RNF111: variants seen among roughly 807,000 people sequenced by gnomAD.
The protein encoded by RNF111 is ring finger protein 111.
A neutral mutation model predicts 95.1 loss-of-function variants in RNF111; 17 were observed. The ratio of observed to expected loss-of-function variants is 0.18; its 90% confidence interval spans 0.12 to 0.27. The LOEUF is 0.27. Ranked by LOEUF, RNF111 falls within the 10% of genes least tolerant of loss-of-function variation. RNF111 has a pLI of 1.00. For synonymous variants in RNF111, 440 were observed against 414.8 expected (o/e 1.06, Z -0.74); for missense variants, 1,189 against 1,210.4 (o/e 0.98, Z 0.26).
intron 1 of RNF111, among the ~76,000 whole-genome samples, chr15:59,014,950 C>G (rs2039998403): frequency 1.3e-5 from 2 of 152,104 alleles, no homozygotes; most frequent in Non-Finnish European, 2.9e-5. Context: ...CAGAGTTTCA[C>G]CATGTTGTCC....
rs151246610 is a variant in RNF111 at position 59,058,524 on chromosome 15, A to G, written c.1340A>G (p.Asn447Ser). 798 of 1,613,992 alleles carry G rather than the reference A, an allele frequency of 4.9e-4. 5 individuals carry two copies. In the South Asian group the frequency reaches 5.4e-3, roughly 11 times the overall value. Residue 447 changes from asparagine (N) to serine (S), a missense_variant, in exon 5 of 14, where the codon AAT becomes AGT. Physicochemically the swap from Asn to Ser is conservative, Grantham distance 46. Coordinates refer to ENST00000348370, the MANE Select transcript of RNF111 (RefSeq NM_017610.8). The part of the protein sequence containing the change: ...VSETSATLTS[N>S]STTGTSIGDD... Reference sequence around the variant, plus strand: ...GAGACTTCAGCTACTCTTACAAGCAATAGTACCACTGGCACTTCTATAGGA... The same window carrying G: ...GAGACTTCAGCTACTCTTACAAGCAGTAGTACCACTGGCACTTCTATAGGA...
At chr15:59,001,731 A>G (rs1386646246) in intron 1 of RNF111, among the ~76,000 whole-genome samples, 1 of 152,228 alleles carries the variant, frequency 6.6e-6, no homozygotes, top group African/African-American at 2.4e-5. Flanking sequence ...GAACACCTAC[A>G]AAACATACAT....
rs192937104 is a variant in RNF111, at chr15:59,008,984, G to A, written c.-20+20916G>A. 7.5e-4 allele frequency among the ~76,000 whole-genome samples: 114 copies of A among 151,998 alleles called. 1 individual carries two copies. The highest frequency in any genetic ancestry group is 2.6e-3 in the African/African-American group (108 of 41,438). On this transcript the variant is annotated intron_variant, in intron 1 of 13. Coordinates refer to ENST00000348370, the MANE Select transcript of RNF111 (RefSeq NM_017610.8). ...TATTTTATTTTATTTTTTTGAGACA[G>A]AGTCCCATTCTGTCACCCAGGCTGG...
chr15:59,064,478 G>GTT (rs1409198976), intron 5 of RNF111, among the ~76,000 whole-genome samples: 1 of 139,710 alleles, frequency 7.2e-6, no homozygotes, highest in Admixed American at 7.6e-5. Context: ...AGAGCTTGCA[G>GTT]TAAGTGGAGA....
chr15:59,005,346 C>T (rs1199741409), intron 1 of RNF111, among the ~76,000 whole-genome samples: 2 of 152,112 alleles, frequency 1.3e-5, no homozygotes, highest in Non-Finnish European at 2.9e-5. Context: ...CATTACTATT[C>T]TCCAGATTAC....
intron 1 of RNF111, among the ~76,000 whole-genome samples, chr15:58,998,949 G>A (rs1413631902): frequency 1.3e-5 from 2 of 152,170 alleles, no homozygotes; most frequent in African/African-American, 4.8e-5. Flanking sequence ...TATGTAAAGT[G>A]CAGTATCGAG....
intron 8 of RNF111, among the ~76,000 whole-genome samples, chr15:59,083,309 AG>A (rs1189214792): frequency 2.6e-5 from 4 of 152,138 alleles, no homozygotes; most frequent in Non-Finnish European, 5.9e-5. Flanking sequence ...GCACTTTGGG[AG>A]GCCAAGGTGG....
chr15:58,991,719 A>G lies in RNF111; in HGVS notation c.-20+3651A>G, dbSNP rs150037496. Among the ~76,000 whole-genome samples, 30 of 152,370 alleles carry G rather than the reference A, an allele frequency of 2.0e-4. No individual in the cohort carries two copies. The East Asian group carries it at 4.2e-3, about 22-fold the overall frequency. ...TGAGGTTTGATTCTAGAGAATCTACAAATGTAAATTAATTATTTGGTTTGT... is the reference window on the plus strand; with the variant it reads ...TGAGGTTTGATTCTAGAGAATCTACGAATGTAAATTAATTATTTGGTTTGT... On this transcript the variant is annotated intron_variant, in intron 1 of 13. Transcript: ENST00000348370.
At chr15:59,002,020 G>A (rs1173393178) in intron 1 of RNF111, among the ~76,000 whole-genome samples, 3 of 152,186 alleles carry the variant, frequency 2.0e-5, no homozygotes, top group South Asian at 2.1e-4. Flanking sequence ...GGAAAATGAT[G>A]ATAAAATGGC....
intron 1 of RNF111, among the ~76,000 whole-genome samples, chr15:59,024,601 G>A (rs2040509316): frequency 1.3e-5 from 2 of 152,096 alleles, no homozygotes; most frequent in South Asian, 4.1e-4. Context: ...ATATTTATGC[G>A]CATTCTCTTT....
intron 6 of RNF111, among the ~76,000 whole-genome samples, chr15:59,068,997 G>A (rs1426935194): frequency 2.7e-5 from 4 of 149,934 alleles, no homozygotes; most frequent in African/African-American, 7.4e-5. Context: ...TCGATTGAAC[G>A]TGGGAGGCGG....
chr15:59,067,430 C>T (rs1045969817), intron 6 of RNF111, among the ~76,000 whole-genome samples: 5 of 152,058 alleles, frequency 3.3e-5, no homozygotes, highest in African/African-American at 1.2e-4. Context: ...TGCGTTAAAA[C>T]CAACCCACCT....
intron 1 of RNF111, among the ~76,000 whole-genome samples, chr15:59,029,002 A>T (rs144459354): frequency 0.01 from 1,557 of 151,658 alleles, 13 homozygotes; most frequent in Non-Finnish European, 0.016. Context: ...CTGATCTCGA[A>T]CTCCTGGCCT....
At chr15:59,086,045 G>C (rs1376626241) in intron 10 of RNF111, among the ~76,000 whole-genome samples, 1 of 151,354 alleles carries the variant, frequency 6.6e-6, no homozygotes, top group Non-Finnish European at 1.5e-5. Context: ...TTAATCCACT[G>C]TCAGGAGTAT....
intron 1 of RNF111, among the ~76,000 whole-genome samples, chr15:59,023,707 A>C (rs1481206692): frequency 1.3e-5 from 2 of 152,190 alleles, no homozygotes; most frequent in Non-Finnish European, 2.9e-5. Context: ...TTCCAGAAGA[A>C]TGTTTTATAA....
intron 2 of RNF111, among the ~76,000 whole-genome samples, chr15:59,042,117 T>C (rs886776524): frequency 6.6e-6 from 1 of 151,876 alleles, no homozygotes; most frequent in African/African-American, 2.4e-5. Flanking sequence ...TACATACTTT[T>C]ATGCCAAATT....
rs554745386 is a variant in RNF111 at position 59,000,365 on chromosome 15, G to A, written c.-20+12297G>A. Among the ~76,000 whole-genome samples the A allele has an allele frequency of 1.8e-3, 273 of 151,864 alleles. 3 individuals carry two copies. Among genetic ancestry groups the A allele is most frequent in the Admixed American group, 0.011 (165 of 15,256 alleles). Reference sequence around the variant, plus strand: ...TTTTAGTAGAGACGGGTTTCACCATGTTGTCCAGGCTGATCTCAAACTGCT... The same window carrying A: ...TTTTAGTAGAGACGGGTTTCACCATATTGTCCAGGCTGATCTCAAACTGCT... On this transcript the variant is annotated intron_variant, in intron 1 of 13. Coordinates refer to ENST00000348370, the MANE Select transcript of RNF111 (RefSeq NM_017610.8).
chr15:59,018,491 C>A (rs1389894252), intron 1 of RNF111, among the ~76,000 whole-genome samples: 1 of 151,990 alleles, frequency 6.6e-6, no homozygotes, highest in African/African-American at 2.4e-5. Flanking sequence ...ATATTATGTT[C>A]TCATAATTTA....
intron 2 of RNF111, chr15:59,050,463 A>G (rs1350424215): frequency 6.6e-6 from 1 of 152,236 alleles, no homozygotes. Flanking sequence ...TATGTAAATT[A>G]TACCTCAAAA....
Sources: gnomAD v4.1 joint callset for allele counts (sites outside exome capture counted in the v4.1 genomes callset) on GRCh38, gnomAD v4.1.1 for gene constraint, MANE v1.5 for transcripts, NCBI Gene and HGNC (gene_info 2026-07-23, HGNC 2026-07-21) for gene names.